UBE3A: variants seen among roughly 807,000 people sequenced by gnomAD.
UBE3A encodes the protein ubiquitin-protein ligase E3A.
In UBE3A, 6 loss-of-function variants were observed where a neutral mutation model predicts 83.4. The ratio of observed to expected loss-of-function variants is 0.07; its 90% CI spans 0.04 to 0.14. The LOEUF is 0.14. UBE3A is among the 10% of genes least tolerant of loss of function. The pLI, the probability that UBE3A is intolerant of heterozygous loss-of-function variation, is 1.00. For missense variants in UBE3A, 456 were observed against 1,036.1 expected, an observed-to-expected ratio of 0.44 and a Z score of 7.69; for synonymous variants, 337 against 355.4, an observed-to-expected ratio of 0.95 and a Z score of 0.58.
intron 4 of UBE3A, among the ~76,000 whole-genome samples, chr15:25,393,287 A>G (rs990139696): frequency 1.3e-5 from 2 of 152,204 alleles, no homozygotes; most frequent in African/African-American, 4.8e-5. Context: ...GGTTTCTGGT[A>G]TGGGCAACAA....
rs2073949140 is a variant in UBE3A, at chr15:25,336,119, G to A, written c.*3018C>T. 6.6e-6 allele frequency: 1 copy of A among 152,108 alleles called. No individual in the cohort carries two copies. Among genetic ancestry groups the A allele is most frequent in the South Asian group, 2.1e-4 (1 of 4,820 alleles). The allele number at this position is 152,108 out of a possible 1,614,324, so 9.4% of individuals were successfully genotyped here. A position where few individuals can be genotyped will look rare whatever the true frequency, so the allele number is the denominator to read the frequency against. On this transcript the variant is annotated 3_prime_UTR_variant, in exon 13 of 13. Transcript: ENST00000648336. Reference sequence around the variant, plus strand: ...AGAAAAGACTTGGGACTCTGTACTTGTAAAACCCTCTACCCTCCCCAGGCA... The same window carrying A: ...AGAAAAGACTTGGGACTCTGTACTTATAAAACCCTCTACCCTCCCCAGGCA...
At chr15:25,381,817 A>G (rs925583044) in intron 4 of UBE3A, among the ~76,000 whole-genome samples, 2 of 152,216 alleles carry the variant, frequency 1.3e-5, no homozygotes, top group East Asian at 3.9e-4. Flanking sequence ...CTGTGACACA[A>G]CTATATTCAG....
chr15:25,427,783 C>G (rs1891810047), intron 1 of UBE3A, among the ~76,000 whole-genome samples: 2 of 101,208 alleles, frequency 2.0e-5, no homozygotes, highest in African/African-American at 8.3e-5. Flanking sequence ...GAGAGGGAGA[C>G]CCTGTCTCCT....
At chr15:25,362,977 C>T (rs929454368) in intron 6 of UBE3A, among the ~76,000 whole-genome samples, 2 of 152,158 alleles carry the variant, frequency 1.3e-5, no homozygotes, top group African/African-American at 4.8e-5. Flanking sequence ...TGAGAGCTGA[C>T]TCCTTATCAA....
intron 1 of UBE3A, among the ~76,000 whole-genome samples, chr15:25,422,871 G>A (rs1016971971): frequency 1.3e-5 from 2 of 151,018 alleles, no homozygotes; most frequent in Non-Finnish European, 2.9e-5. Flanking sequence ...AGTGGCACAT[G>A]TCTATAATCT....
chr15:25,438,176 G>A (rs1004933175), intron 1 of UBE3A: 2 of 152,236 alleles, frequency 1.3e-5, no homozygotes, highest in African/African-American at 4.8e-5. Flanking sequence ...GGCTCGAAGA[G>A]CCTGGCTCCT....
intron 4 of UBE3A, among the ~76,000 whole-genome samples, chr15:25,381,380 C>T (rs760900829): frequency 1.3e-5 from 2 of 151,776 alleles, no homozygotes; most frequent in East Asian, 1.9e-4. Flanking sequence ...TGACAGTGAA[C>T]GCCAAACAAG....
chr15:25,365,475 G>A lies in UBE3A; in HGVS notation c.1609-4948C>T, dbSNP rs570435753. The stretch of plus-strand genomic sequence containing the variant: ...AGAAAGGCTAGCTTCAAGGCCGGGC[G>A]TGGTGGCTCATGCCTGTAATCCCGG... On this transcript the variant is annotated intron_variant, in intron 6 of 12. Coordinates refer to ENST00000648336, the MANE Select transcript of UBE3A (RefSeq NM_130839.5). 5.3e-5 allele frequency among the ~76,000 whole-genome samples: 8 copies of A among 152,250 alleles called. No individual in the cohort carries two copies. The East Asian group carries it at 7.7e-4, about 15-fold the overall frequency.
intron 4 of UBE3A, among the ~76,000 whole-genome samples, chr15:25,391,311 AAGT>A (rs2084323907): frequency 6.6e-6 from 1 of 152,238 alleles, no homozygotes; most frequent in African/African-American, 2.4e-5. Context: ...TAGAGGCAAA[AAGT>A]AGAATGGCAT....
At chr15:25,410,144 A>G (rs1199098244) in intron 2 of UBE3A, among the ~76,000 whole-genome samples, 1 of 152,178 alleles carries the variant, frequency 6.6e-6, no homozygotes, top group Non-Finnish European at 1.5e-5. Flanking sequence ...AAAGTATAAT[A>G]ATAATAAAAA....
At chr15:25,433,575 CA>C (rs1894133530) in intron 1 of UBE3A, among the ~76,000 whole-genome samples, 1 of 152,152 alleles carries the variant, frequency 6.6e-6, no homozygotes, top group Admixed American at 6.5e-5. Flanking sequence ...TTTCATTTGA[CA>C]AAAGAAGGAA....
In UBE3A at chr15:25,335,114, G is replaced by A. The variant is rs764590016; in HGVS notation, c.*4023C>T. On this transcript the variant is annotated 3_prime_UTR_variant, in exon 13 of 13. Transcript: ENST00000648336. ...TGAAATGTGGAAAGAGTATCAAGAG[G>A]AGACCCTAAGACACTCTGTAAGAAT... is the stretch of plus-strand genomic sequence containing the variant. 4.6e-5 allele frequency: 7 copies of A among 152,102 alleles called. No individual in the cohort carries two copies. Among genetic ancestry groups the A allele is most frequent in the Non-Finnish European group, 1.0e-4 (7 of 68,038 alleles). 9.4% of individuals were successfully genotyped at this position (152,102 alleles called of 1,614,324 possible).
chr15:25,366,245 T>C (rs193080695), intron 6 of UBE3A, among the ~76,000 whole-genome samples: 11 of 152,318 alleles, frequency 7.2e-5, no homozygotes, highest in African/African-American at 2.6e-4. Context: ...AACCACAATA[T>C]AGTGTATGTG....
intron 4 of UBE3A, among the ~76,000 whole-genome samples, chr15:25,385,227 T>A (rs1471012060): frequency 2.0e-5 from 3 of 152,308 alleles, no homozygotes; most frequent in Admixed American, 1.3e-4. Context: ...ATATCCAGAA[T>A]ATATAAATAA....
At chr15:25,340,337 T>A in intron 11 of UBE3A, 109 bp from the exon 12 acceptor site, 1 of 1,309,376 alleles carries the variant, frequency 7.6e-7, no homozygotes, top group Non-Finnish European at 1.1e-6. Context: ...ACTTGGAAGT[T>A]AATTATCAGG....
intron 3 of UBE3A, 93 bp downstream of exon 3, chr15:25,408,995 T>C: frequency 7.5e-7 from 1 of 1,330,518 alleles, no homozygotes; most frequent in Non-Finnish European, 1.1e-6. Flanking sequence ...CTTAGCAGTA[T>C]TCCTGCCAAC....
chr15:25,426,324 T>C (rs1159758762), intron 1 of UBE3A, among the ~76,000 whole-genome samples: 1 of 152,210 alleles, frequency 6.6e-6, no homozygotes, highest in East Asian at 1.9e-4. Context: ...GGGACATCTG[T>C]ACCATATAGT....
intron 3 of UBE3A, 44 bp from the exon 4 acceptor site, chr15:25,405,546 TCC>T: frequency 6.3e-7 from 1 of 1,594,720 alleles, no homozygotes; most frequent in Middle Eastern, 1.7e-4. Flanking sequence ...TATTCCATAT[TCC>T]AAAAAAAAAG....
At chr15:25,420,048 G>T (rs1042356414) in intron 1 of UBE3A, among the ~76,000 whole-genome samples, 3 of 152,048 alleles carry the variant, frequency 2.0e-5, no homozygotes, top group Admixed American at 6.6e-5. Flanking sequence ...AATGTAAATG[G>T]ACTTAATCAA....
Sources: allele counts gnomAD v4.1 joint callset (sites outside exome capture counted in the v4.1 genomes callset), GRCh38; gene constraint gnomAD v4.1.1; transcripts MANE v1.5; gene names NCBI Gene and HGNC (gene_info 2026-07-23, HGNC 2026-07-21).